FAM78B: variants seen among roughly 807,000 people sequenced by gnomAD.
FAM78B encodes family with sequence similarity 78 member B, also known as protein FAM78B.
In FAM78B, 10 loss-of-function variants were observed where a neutral mutation model predicts 20.0. That is an observed-to-expected ratio of 0.50 (90% CI 0.31 to 0.85). The LOEUF is 0.85. Among genes scored for constraint, FAM78B ranks in the 40% least tolerant of loss-of-function variants. FAM78B has a pLI of 0.05. For synonymous variants in FAM78B, 135 were observed against 132.8 expected (o/e 1.02, Z -0.12); for missense variants, 283 against 345.0 (o/e 0.82, Z 1.42).
In FAM78B at chr1:166,070,333, T is replaced by C; in HGVS notation, c.694A>G (p.Asn232Asp). The change falls in exon 2 of 2, where the codon AAT becomes GAT. Residue 232 changes from asparagine (N) to aspartate (D), a missense_variant. Coordinates refer to ENST00000354422, the MANE Select transcript of FAM78B (RefSeq NM_001017961.5). Reference protein sequence around the residue: ...ILSRMEPIPPNALVKPNANDA... With the variant: ...ILSRMEPIPPDALVKPNANDA... Reference sequence around the variant, plus strand: ...TTGGCATTGGGTTTCACTAGTGCATTAGGGGGGATGGGTTCCATCCGGCTC... The same window carrying C: ...TTGGCATTGGGTTTCACTAGTGCATCAGGGGGGATGGGTTCCATCCGGCTC... 1.2e-6 allele frequency: 2 copies of C among 1,609,706 alleles called. No individual in the cohort carries two copies. Among genetic ancestry groups the C allele is most frequent in the Non-Finnish European group, 1.7e-6 (2 of 1,177,542 alleles).
intron 2 of FAM78B, among the ~76,000 whole-genome samples, chr1:166,061,152 C>A (rs1651581876): frequency 6.6e-6 from 1 of 152,204 alleles, no homozygotes; most frequent in South Asian, 2.1e-4. Context: ...AAACTTACTT[C>A]TTGAATATGC....
chr1:166,066,253 G>C (rs1229072134), downstream of FAM78B, among the ~76,000 whole-genome samples: 1 of 152,230 alleles, frequency 6.6e-6, no homozygotes, highest in Non-Finnish European at 1.5e-5. Context: ...AAGAGCTGCT[G>C]AGTGACAGCT....
At chr1:166,063,776 CTG>C (rs1330130993) in intron 2 of FAM78B, among the ~76,000 whole-genome samples, 2 of 152,212 alleles carry the variant, frequency 1.3e-5, no homozygotes, top group South Asian at 2.1e-4. Context: ...GGGTTGTGCT[CTG>C]TGTCTCTGGC....
intron 1 of FAM78B, among the ~76,000 whole-genome samples, chr1:166,149,404 C>A (rs980625012): frequency 1.3e-4 from 20 of 152,136 alleles, no homozygotes; most frequent in African/African-American, 4.8e-4. Context: ...GTCTTCTCAC[C>A]TGTAAAGTCA....
At chr1:166,080,227 C>CT (rs1461496543) in intron 1 of FAM78B, among the ~76,000 whole-genome samples, 1 of 152,168 alleles carries the variant, frequency 6.6e-6, no homozygotes, top group African/African-American at 2.4e-5. Flanking sequence ...ATACACACTG[C>CT]TATGACCATG....
intron 1 of FAM78B, among the ~76,000 whole-genome samples, chr1:166,089,482 G>A (rs1032070939): frequency 2.0e-5 from 3 of 152,248 alleles, no homozygotes; most frequent in South Asian, 4.2e-4. Flanking sequence ...GAGGTACCAC[G>A]GTGGGCAGCA....
At chr1:166,158,746 C>T (rs1200314517) in intron 1 of FAM78B, among the ~76,000 whole-genome samples, 5 of 152,368 alleles carry the variant, frequency 3.3e-5, no homozygotes, top group Admixed American at 6.5e-5. Context: ...TGCCTGATGA[C>T]TCTGCCTCTG....
intron 1 of FAM78B, among the ~76,000 whole-genome samples, chr1:166,165,509 C>G (rs1386344394): frequency 2.0e-5 from 3 of 152,176 alleles, no homozygotes; most frequent in African/African-American, 7.2e-5. Context: ...CCAACTCCCG[C>G]TCGGATGCCC....
At chr1:166,062,323 A>G (rs1651629621) in intron 2 of FAM78B, among the ~76,000 whole-genome samples, 1 of 152,212 alleles carries the variant, frequency 6.6e-6, no homozygotes, top group Non-Finnish European at 1.5e-5. Flanking sequence ...TTGATACAGA[A>G]AGCAGGCTTG....
chr1:166,072,752 G>C (rs139925174), intron 1 of FAM78B, among the ~76,000 whole-genome samples: 1 of 152,216 alleles, frequency 6.6e-6, no homozygotes, highest in Non-Finnish European at 1.5e-5. Flanking sequence ...TTGGAGGGCA[G>C]GTATTCCGAG....
intron 2 of FAM78B, among the ~76,000 whole-genome samples, chr1:166,063,901 T>C (rs1413921910): frequency 6.6e-6 from 1 of 152,250 alleles, no homozygotes; most frequent in Non-Finnish European, 1.5e-5. Flanking sequence ...CAAGGACATA[T>C]GTGGGCCTGG....
intron 1 of FAM78B, among the ~76,000 whole-genome samples, chr1:166,109,862 G>GTGTATATATA (rs1179378097): frequency 3.1e-4 from 5 of 16,274 alleles, no homozygotes; most frequent in East Asian, 2.1e-3. Flanking sequence ...ATATATATAT[G>GTGTATATATA]TATGTGTATA....
chr1:166,078,786 C>T (rs765638901), intron 1 of FAM78B, among the ~76,000 whole-genome samples: 20 of 152,068 alleles, frequency 1.3e-4, no homozygotes, highest in African/African-American at 3.9e-4. Context: ...TCCCCTGATG[C>T]GGTGTGGGTT....
chr1:166,131,875 A>T (rs998265815), intron 1 of FAM78B, among the ~76,000 whole-genome samples: 1 of 152,184 alleles, frequency 6.6e-6, no homozygotes, highest in African/African-American at 2.4e-5. Flanking sequence ...CTGCCCTCAC[A>T]TGGCAGAAAA....
chr1:166,089,559 T>C (rs527315330), intron 1 of FAM78B, among the ~76,000 whole-genome samples: 2 of 152,158 alleles, frequency 1.3e-5, no homozygotes, highest in East Asian at 3.9e-4. Flanking sequence ...AGTGGGCTGT[T>C]TGCATTTAAG....
chr1:166,144,026 G>A (rs1430687103), intron 1 of FAM78B, among the ~76,000 whole-genome samples: 1 of 152,124 alleles, frequency 6.6e-6, no homozygotes, highest in African/African-American at 2.4e-5. Flanking sequence ...AAGGAGGGTG[G>A]TTTTATTAAG....
chr1:166,103,841 T>C (rs1003632213), intron 1 of FAM78B, among the ~76,000 whole-genome samples: 2 of 152,186 alleles, frequency 1.3e-5, no homozygotes, highest in Non-Finnish European at 2.9e-5. Context: ...GTATCCTCCT[T>C]AACTCATTTT....
chr1:166,126,199 A>C (rs1654634806), intron 1 of FAM78B, among the ~76,000 whole-genome samples: 1 of 152,126 alleles, frequency 6.6e-6, no homozygotes, highest in South Asian at 2.1e-4. Flanking sequence ...CCTTGGATGC[A>C]GAACCAATGG....
intron 1 of FAM78B, among the ~76,000 whole-genome samples, chr1:166,128,376 G>A (rs1274266356): frequency 1.3e-5 from 2 of 152,238 alleles, no homozygotes; most frequent in African/African-American, 2.4e-5. Context: ...GAAGTCAGCA[G>A]GTGGACAGAG....
Sources: gnomAD v4.1 joint callset for allele counts (sites outside exome capture counted in the v4.1 genomes callset) on GRCh38, gnomAD v4.1.1 for gene constraint, MANE v1.5 for transcripts, NCBI Gene and HGNC (gene_info 2026-07-23, HGNC 2026-07-21) for gene names.